ZBTB4: variants seen among roughly 807,000 people sequenced by gnomAD.
ZBTB4 encodes zinc finger and BTB domain-containing protein 4.
Under a neutral mutation model 59.8 loss-of-function variants are expected in ZBTB4, and 14 were observed. The observed-to-expected ratio is 0.23, with a 90% CI of 0.15 to 0.37. The LOEUF (loss-of-function observed/expected upper bound fraction) is 0.37, where lower values mean the gene tolerates loss of function less well. ZBTB4 is among the 10% of genes least tolerant of loss of function. ZBTB4 has a pLI of 1.00. For synonymous variants in ZBTB4, 587 were observed against 575.2 expected, an observed-to-expected ratio of 1.02 and a Z score of -0.29; for missense variants, 1,198 against 1,380.8, an observed-to-expected ratio of 0.87 and a Z score of 2.10.
rs1392266820 is a variant in ZBTB4, at chr17:7,462,041, G to A, written c.2941C>T (p.Pro981Ser). 1.9e-6 allele frequency: 3 copies of A among 1,601,660 alleles called. No individual in the cohort carries two copies. The highest frequency in any genetic ancestry group is 2.6e-6 in the Non-Finnish European group (3 of 1,173,568). Residue 981 changes from proline to serine, a missense_variant, in exon 4 of 4, where the codon CCA (proline) becomes TCA (serine). Around this residue, in one of 9 missense-constraint regions of ZBTB4, gnomAD observed 211 missense variants for 236.1 expected, o/e 0.89. Transcript: ENST00000380599. The surrounding 1 kb of genome is among the most constrained non-coding windows in gnomAD (Gnocchi z 7.5). ...AVNPQAAPPA[P>S]PTPPPPTLPP... ...AGAGTTGGGGGAGGTGGTGTTGGTG[G>A]GGCAGGGGGTGCTGCTTGAGGATTC...
At chr17:7,482,892 A>C, upstream of ZBTB4, 4 of 1,611,892 alleles carry the variant, frequency 2.5e-6, no homozygotes, top group Non-Finnish European at 3.4e-6. Flanking sequence ...ATGCTCCATG[A>C]GACTGTGGCA....
chr17:7,479,080 C>A (rs1310406103), intron 1 of ZBTB4, among the ~76,000 whole-genome samples: 1 of 152,162 alleles, frequency 6.6e-6, no homozygotes, highest in African/African-American at 2.4e-5. Flanking sequence ...CAGCTTGCAG[C>A]GCTTGCCCGG....
chr17:7,474,674 C>T (rs12451900), intron 1 of ZBTB4, among the ~76,000 whole-genome samples: 25,515 of 152,026 alleles, frequency 0.17, 2,437 homozygotes, highest in South Asian at 0.22. Flanking sequence ...CCATCGTCCA[C>T]GCTGGACTGA....
At position 7,465,910 on chromosome 17, in the gene ZBTB4, G is replaced by C; in HGVS notation, c.892C>G (p.His298Asp). ...TGGCCGCCCACCACCTTCACCACGT[G>C]CTCGGGGCCCCCTCGGAAGCCCACT... ...PPVGFRGGPE[H>D]VVKVVGGHVL... The change falls in exon 3 of 4, where the codon CAC becomes GAC. Residue 298 changes from histidine to aspartate, a missense_variant. Around this residue, in one of 9 missense-constraint regions of ZBTB4, gnomAD observed 204 missense variants for 205.5 expected, o/e 0.99. Transcript: ENST00000380599. 6.2e-7 allele frequency: 1 copy of C among 1,611,966 alleles called. No homozygotes were observed. The highest frequency in any genetic ancestry group is 8.5e-7 in the Non-Finnish European group (1 of 1,178,554).
chr17:7,461,937 G>A lies in ZBTB4; in HGVS notation c.*3C>T. 1 of 1,529,406 alleles carries A rather than the reference G, an allele frequency of 6.5e-7. No homozygotes were observed. The highest frequency in any genetic ancestry group is 8.8e-7 in the Non-Finnish European group (1 of 1,136,904). 94.7% of individuals were successfully genotyped at this position (1,529,406 alleles called of 1,614,324 possible). On this transcript the variant is annotated 3_prime_UTR_variant, in exon 4 of 4. Coordinates refer to ENST00000380599, the MANE Select transcript of ZBTB4 (RefSeq NM_001128833.2). ...TGGTGAAAGGGGGATTGAGCCCCAGGGTTCACCCCACATCGCCCTTCTGGG... is the reference window on the plus strand; with the variant it reads ...TGGTGAAAGGGGGATTGAGCCCCAGAGTTCACCCCACATCGCCCTTCTGGG...
chr17:7,473,768 T>C (rs1009021195), intron 1 of ZBTB4, among the ~76,000 whole-genome samples: 3 of 152,106 alleles, frequency 2.0e-5, no homozygotes, highest in African/African-American at 4.8e-5. Flanking sequence ...AGGGCTGGTA[T>C]TGAAATCCTG....
Position 7,466,641 on chromosome 17 carries a change from A to T in ZBTB4, c.161T>A (p.Phe54Tyr). ...TGAAGTGAGCAGGGCCTCTCTGAAG[A>T]AGGGACTTGAAGCAGCCAGGACGCT... Reference protein sequence around the residue: ...HRSVLAASSPFFREALLTSAP... With the variant: ...HRSVLAASSPYFREALLTSAP... Residue 54 changes from phenylalanine (F) to tyrosine (Y), a missense_variant, in exon 3 of 4, where the codon TTC (phenylalanine) becomes TAC (tyrosine). Coordinates refer to ENST00000380599, the MANE Select transcript of ZBTB4 (RefSeq NM_001128833.2). The surrounding 1 kb of genome is among the most constrained non-coding windows in gnomAD (Gnocchi z 9.1). The T allele has an allele frequency of 6.2e-7, 1 of 1,613,804 alleles. No homozygotes were observed. Among genetic ancestry groups the T allele is most frequent in the Non-Finnish European group, 8.5e-7 (1 of 1,179,938 alleles).
chr17:7,476,311 T>C (rs2070268675), intron 1 of ZBTB4, among the ~76,000 whole-genome samples: 1 of 152,182 alleles, frequency 6.6e-6, no homozygotes, highest in South Asian at 2.1e-4. Context: ...AGCTCCAATC[T>C]TCCTTTTTAA....
chr17:7,474,366 T>C (rs1412642933), intron 1 of ZBTB4, among the ~76,000 whole-genome samples: 2 of 151,818 alleles, frequency 1.3e-5, no homozygotes, highest in Non-Finnish European at 2.9e-5. Context: ...TACGGGCATA[T>C]GCCACCACGC....
At position 7,463,082 on chromosome 17, in the gene ZBTB4, C is replaced by T; in HGVS notation, c.1900G>A (p.Glu634Lys). 6.2e-7 allele frequency: 1 copy of T among 1,611,114 alleles called. No individual in the cohort carries two copies. The highest frequency in any genetic ancestry group is 2.2e-5 in the East Asian group (1 of 44,834). Residue 634 changes from glutamate (E) to lysine (K), a missense_variant, in exon 4 of 4, where the codon GAG becomes AAG. Physicochemically the swap from Glu to Lys is moderately conservative, Grantham distance 56 (BLOSUM62 1). Around this residue, in one of 9 missense-constraint regions of ZBTB4, gnomAD observed 550 missense variants for 541.8 expected, o/e 1.02. Transcript: ENST00000380599. ...RPGELSGEEM[E>K]ESEEDEEEED... ...TCCTCTTCGTCCTCCTCACTCTCCT[C>T]CATCTCCTCTCCGCTCAGCTCCCCA... is the stretch of plus-strand genomic sequence containing the variant.
Position 7,462,629 on chromosome 17 carries a change from G to T in ZBTB4, c.2353C>A (p.Gln785Lys). Residue 785 changes from glutamine (Q) to lysine (K), a missense_variant, in exon 4 of 4, where the codon CAG becomes AAG. Gln to Lys is a moderately conservative substitution (Grantham distance 53). Transcript: ENST00000380599. The surrounding 1 kb of genome is among the most constrained non-coding windows in gnomAD (Gnocchi z 7.5). ...KTAAALSRHG[Q>K]RHAAERPGGT... ...CCGGGCCGCTCAGCAGCATGCCTCT[G>T]CCCGTGGCGGCTCAGGGCAGCTGCG... is the stretch of plus-strand genomic sequence containing the variant. 6.2e-7 allele frequency: 1 copy of T among 1,608,504 alleles called. No homozygotes were observed. The highest frequency in any genetic ancestry group is 8.5e-7 in the Non-Finnish European group (1 of 1,177,754).
chr17:7,471,728 G>A (rs181407550), intron 1 of ZBTB4, among the ~76,000 whole-genome samples: 2 of 152,300 alleles, frequency 1.3e-5, no homozygotes, highest in Admixed American at 6.5e-5. Context: ...ATACGGTGGG[G>A]ACAATTAATA....
upstream of ZBTB4, chr17:7,482,249 C>G: frequency 1.9e-6 from 3 of 1,614,032 alleles, no homozygotes; most frequent in Non-Finnish European, 1.7e-6. Context: ...GCTACTTAAA[C>G]TGCGTGGCGA....
upstream of ZBTB4, among the ~76,000 whole-genome samples, chr17:7,480,546 T>C (rs902631479): frequency 1.3e-5 from 2 of 151,816 alleles, no homozygotes; most frequent in Admixed American, 6.6e-5. Context: ...GGTGAAACCC[T>C]GTCTCTACTA....
At chr17:7,467,632 C>T (rs2070146507) in intron 1 of ZBTB4, among the ~76,000 whole-genome samples, 1 of 152,226 alleles carries the variant, frequency 6.6e-6, no homozygotes, top group African/African-American at 2.4e-5. Context: ...TATAGTAGCA[C>T]AGGTCCAGTC....
At chr17:7,481,600 G>T, upstream of ZBTB4, 1 of 1,051,042 alleles carries the variant, frequency 9.5e-7, no homozygotes, top group Non-Finnish European at 1.3e-6. Flanking sequence ...CTAAAACTTA[G>T]CTGTCTCAGA....
rs554748074 is a variant in ZBTB4 at position 7,476,153 on chromosome 17, T to C, written c.-81+3303A>G. Among the ~76,000 whole-genome samples the C allele has an allele frequency of 6.6e-5, 10 of 152,186 alleles. No individual in the cohort carries two copies. The South Asian group carries it at 1.5e-3, about 22-fold the overall frequency. On this transcript the variant is annotated intron_variant, in intron 1 of 3. Coordinates refer to ENST00000380599, the MANE Select transcript of ZBTB4 (RefSeq NM_001128833.2). ...TATCCCCTGGCCTCCAGGCTTACCTTCCTCCATCCAGCCCTCCTCCCCCTG... is the reference window on the plus strand; with the variant it reads ...TATCCCCTGGCCTCCAGGCTTACCTCCCTCCATCCAGCCCTCCTCCCCCTG...
rs766475663 is a variant in ZBTB4 at position 7,468,656 on chromosome 17, G to A, written c.-80-1329C>T. ...CTGCCCTCCACAAAGCCTGGGAGCT[G>A]TCACCCATCTTTGAGGGTGTCCTTC... On this transcript the variant is annotated intron_variant, in intron 1 of 3. Coordinates refer to ENST00000380599, the MANE Select transcript of ZBTB4 (RefSeq NM_001128833.2). Among the ~76,000 whole-genome samples, 12 of 152,186 alleles carry A rather than the reference G, an allele frequency of 7.9e-5. 1 individual carries two copies. Among genetic ancestry groups the A allele is most frequent in the Admixed American group, 2.0e-4 (3 of 15,290 alleles).
intron 1 of ZBTB4, among the ~76,000 whole-genome samples, chr17:7,475,385 A>C (rs772854593): frequency 1.9e-4 from 29 of 152,110 alleles, no homozygotes; most frequent in Admixed American, 4.6e-4. Flanking sequence ...ACCACTCTGG[A>C]GTCCTCACAA....
Sources: allele counts gnomAD v4.1 joint callset (sites outside exome capture counted in the v4.1 genomes callset), GRCh38; gene constraint gnomAD v4.1.1; regional missense constraint gnomAD v4.1.1; non-coding constraint Gnocchi (gnomAD v3.1); transcripts MANE v1.5; gene names NCBI Gene and HGNC (gene_info 2026-07-23, HGNC 2026-07-21).